PDE10A: variants seen among roughly 807,000 people sequenced by gnomAD.
PDE10A encodes the protein cAMP and cAMP-inhibited cGMP 3',5'-cyclic phosphodiesterase 10A.
In PDE10A, 39 loss-of-function variants were observed where a neutral mutation model predicts 97.7. That is an observed-to-expected ratio of 0.40 (90% CI 0.31 to 0.52). The LOEUF is 0.52. PDE10A is among the 20% of genes least tolerant of loss of function. The pLI is 0.56. For missense variants in PDE10A, 731 were observed against 1,047.8 expected (o/e 0.70, Z 4.17); for synonymous variants, 371 against 376.8 (o/e 0.98, Z 0.18).
chr6:165,839,290 A>C (rs1270933049), intron 1 of PDE10A, among the ~76,000 whole-genome samples: 3 of 152,234 alleles, frequency 2.0e-5, no homozygotes, highest in African/African-American at 7.2e-5. Context: ...ACAGCTGCAC[A>C]ATAAATTATA....
intron 1 of PDE10A, among the ~76,000 whole-genome samples, chr6:165,761,006 T>C (rs1019894255): frequency 6.6e-6 from 1 of 152,176 alleles, no homozygotes; most frequent in Non-Finnish European, 1.5e-5. Context: ...GCTTACACAC[T>C]GGGAGAACGG....
intron 1 of PDE10A, among the ~76,000 whole-genome samples, chr6:165,835,785 G>A (rs546900661): frequency 6.6e-6 from 1 of 152,288 alleles, no homozygotes; most frequent in Non-Finnish European, 1.5e-5. Flanking sequence ...ACAGGAGGAG[G>A]GGGAGCGTTT....
intron 1 of PDE10A, among the ~76,000 whole-genome samples, chr6:165,610,942 G>A (rs1332749086): frequency 1.3e-5 from 2 of 151,920 alleles, no homozygotes; most frequent in Admixed American, 6.6e-5. Context: ...ATAAAATAAG[G>A]AGCACTACTA....
At chr6:165,547,957 G>A (rs187206778) in intron 1 of PDE10A, among the ~76,000 whole-genome samples, 1 of 152,140 alleles carries the variant, frequency 6.6e-6, no homozygotes, top group African/African-American at 2.4e-5. Context: ...TTCTTTTTCA[G>A]ATGAAGATTT....
intron 1 of PDE10A, among the ~76,000 whole-genome samples, chr6:165,698,951 T>C (rs1184916875): frequency 6.6e-6 from 1 of 152,124 alleles, no homozygotes; most frequent in Non-Finnish European, 1.5e-5. Flanking sequence ...ACATGAGATA[T>C]ATAGAAAGCA....
chr6:165,791,009 C>G (rs899808958), intron 1 of PDE10A, among the ~76,000 whole-genome samples: 2 of 152,052 alleles, frequency 1.3e-5, no homozygotes, highest in African/African-American at 4.8e-5. Context: ...CTTATTTCTC[C>G]TACCCCTTAA....
intron 1 of PDE10A, among the ~76,000 whole-genome samples, chr6:165,714,484 C>T (rs1238685495): frequency 6.6e-6 from 1 of 152,196 alleles, no homozygotes; most frequent in African/African-American, 2.4e-5. Context: ...AGACAGAGAT[C>T]GACACTCAGC....
At chr6:165,767,219 G>T (rs1479473376) in intron 1 of PDE10A, among the ~76,000 whole-genome samples, 1 of 152,188 alleles carries the variant, frequency 6.6e-6, no homozygotes, top group African/African-American at 2.4e-5. Flanking sequence ...TAGACTAGGG[G>T]ACTAAAGAGA....
At chr6:165,690,243 A>G (rs533293265) in intron 1 of PDE10A, among the ~76,000 whole-genome samples, 3 of 152,172 alleles carry the variant, frequency 2.0e-5, no homozygotes, top group Non-Finnish European at 4.4e-5. Flanking sequence ...GGGGACTGTT[A>G]TTAATTTCCC....
intron 2 of PDE10A, among the ~76,000 whole-genome samples, chr6:165,521,012 A>T (rs1018751821): frequency 2.6e-5 from 4 of 152,122 alleles, no homozygotes; most frequent in African/African-American, 9.7e-5. Flanking sequence ...GTGGCACCCC[A>T]GCAGCAAGCA....
intron 1 of PDE10A, among the ~76,000 whole-genome samples, chr6:165,800,859 C>T (rs759991498): frequency 4.6e-5 from 7 of 152,140 alleles, no homozygotes; most frequent in African/African-American, 1.2e-4. Context: ...AGAGAGGGCA[C>T]GGAGGAGACA....
At chr6:165,347,594 C>T (rs574192060) in intron 18 of PDE10A, among the ~76,000 whole-genome samples, 1 of 152,164 alleles carries the variant, frequency 6.6e-6, no homozygotes, top group South Asian at 2.1e-4. Context: ...AAAGTTAATA[C>T]CAGAGTATTA....
intron 3 of PDE10A, among the ~76,000 whole-genome samples, chr6:165,480,637 C>A (rs548614401): frequency 6.6e-6 from 1 of 151,536 alleles, no homozygotes; most frequent in Non-Finnish European, 1.5e-5. Flanking sequence ...AAAACAAAAC[C>A]AAAACAAAAC....
At chr6:165,532,135 G>A (rs1782815600) in intron 2 of PDE10A, among the ~76,000 whole-genome samples, 1 of 152,044 alleles carries the variant, frequency 6.6e-6, no homozygotes, top group South Asian at 2.1e-4. Flanking sequence ...CCGTGAAACT[G>A]GCTTCTAATT....
At chr6:165,376,499 T>C (rs1336055914) in intron 18 of PDE10A, among the ~76,000 whole-genome samples, 1 of 152,236 alleles carries the variant, frequency 6.6e-6, no homozygotes, top group Non-Finnish European at 1.5e-5. Flanking sequence ...GACTCTAATG[T>C]TGAAGGAAGT....
At chr6:165,910,464 C>CAT (rs1219472146) in intron 1 of PDE10A, among the ~76,000 whole-genome samples, 1 of 152,138 alleles carries the variant, frequency 6.6e-6, no homozygotes, top group Non-Finnish European at 1.5e-5. Context: ...CAAGGCAACT[C>CAT]ATATATATAG....
At chr6:165,632,309 T>C (rs1004033937) in intron 1 of PDE10A, among the ~76,000 whole-genome samples, 5 of 151,406 alleles carry the variant, frequency 3.3e-5, no homozygotes, top group African/African-American at 1.2e-4. Flanking sequence ...TCTTGAATCA[T>C]AGGAAATTAA....
chr6:165,787,098 A>C (rs1042081902), intron 1 of PDE10A, among the ~76,000 whole-genome samples: 1 of 152,210 alleles, frequency 6.6e-6, no homozygotes, highest in Non-Finnish European at 1.5e-5. Flanking sequence ...TAAAAATTAC[A>C]AACGTGAATA....
chr6:165,814,565 T>G (rs1779360768), intron 1 of PDE10A, among the ~76,000 whole-genome samples: 1 of 152,214 alleles, frequency 6.6e-6, no homozygotes, highest in East Asian at 1.9e-4. Flanking sequence ...AAATTCTGAT[T>G]CACTAAATAT....
Sources: gnomAD v4.1 joint callset for allele counts (sites outside exome capture counted in the v4.1 genomes callset) on GRCh38, gnomAD v4.1.1 for gene constraint, MANE v1.5 for transcripts, NCBI Gene and HGNC (gene_info 2026-07-23, HGNC 2026-07-21) for gene names.